The following CNOT1 variants were observed in gnomAD, a reference collection of about 807,000 sequenced individuals.
CNOT1 encodes CCR4-NOT transcription complex subunit 1, also known as CCR4-associated factor 1.
Under a neutral mutation model 273.8 loss-of-function variants are expected in CNOT1, and 15 were observed. That is an observed-to-expected ratio of 0.05 (90% CI 0.04 to 0.08). The LOEUF (loss-of-function observed/expected upper bound fraction) is 0.08. Among genes scored for constraint, CNOT1 ranks in the 10% least tolerant of loss-of-function variants. CNOT1 has a pLI of 1.00. For missense variants in CNOT1, 1,644 were observed against 2,912.2 expected, an observed-to-expected ratio of 0.56 and a Z score of 10.02; for synonymous variants, 1,022 against 1,005.5, an observed-to-expected ratio of 1.02 and a Z score of -0.31.
intron 1 of CNOT1, among the ~76,000 whole-genome samples, chr16:58,612,730 A>T (rs1250816744): frequency 1.3e-5 from 2 of 152,062 alleles, no homozygotes; most frequent in African/African-American, 4.8e-5. Context: ...CAAGAGCAAA[A>T]CTTCTATGGA....
At chr16:58,572,471 C>T (rs565162556) in intron 16 of CNOT1, among the ~76,000 whole-genome samples, 9 of 151,462 alleles carry the variant, frequency 5.9e-5, no homozygotes, top group Non-Finnish European at 1.0e-4. Flanking sequence ...CCTGTCTCTA[C>T]AAAAAATAAA....
intron 1 of CNOT1, among the ~76,000 whole-genome samples, chr16:58,622,773 G>C (rs935002690): frequency 1.3e-5 from 2 of 151,518 alleles, no homozygotes; most frequent in Non-Finnish European, 2.9e-5. Context: ...CTTGAAACCT[G>C]GAGGCAGAGG....
intron 41 of CNOT1, 43 bp from the exon 42 acceptor site, chr16:58,532,118 A>G: frequency 1.2e-6 from 2 of 1,613,014 alleles, no homozygotes; most frequent in Non-Finnish European, 1.7e-6. Flanking sequence ...GTCCAACTTA[A>G]ATACAGTGAA....
At chr16:58,546,233 A>C in intron 29 of CNOT1, 88 bp downstream of exon 29, 1 of 1,161,070 alleles carries the variant, frequency 8.6e-7, no homozygotes, top group South Asian at 1.5e-5. Context: ...TATGTGGGAA[A>C]TTATAGTTTG....
At chr16:58,571,765 G>GTCA in intron 16 of CNOT1, among the ~76,000 whole-genome samples, 1 of 152,156 alleles carries the variant, frequency 6.6e-6, no homozygotes, top group Non-Finnish European at 1.5e-5. Flanking sequence ...ATCACTTGAG[G>GTCA]TCAGGAGTTT....
At chr16:58,616,167 C>T (rs2043073406) in intron 1 of CNOT1, among the ~76,000 whole-genome samples, 1 of 125,686 alleles carries the variant, frequency 8.0e-6, no homozygotes, top group Non-Finnish European at 1.9e-5. Flanking sequence ...AGTGCAGTGT[C>T]ATGATCTCGG....
chr16:58,580,230 C>T (rs1378147966), intron 12 of CNOT1, among the ~76,000 whole-genome samples: 1 of 150,962 alleles, frequency 6.6e-6, no homozygotes, highest in Non-Finnish European at 1.5e-5. Context: ...AGACTCCATC[C>T]CAAAAATATA....
intron 10 of CNOT1, among the ~76,000 whole-genome samples, 156 bp downstream of exon 10, chr16:58,582,637 T>A (rs1183302960): frequency 6.6e-6 from 1 of 152,112 alleles, no homozygotes; most frequent in African/African-American, 2.4e-5. Context: ...AATGAAAAAA[T>A]TTAAATTTGG....
Position 58,534,233 on chromosome 16 carries a change from C to A in CNOT1, c.5809G>T (p.Asp1937Tyr). 1 of 1,614,144 alleles carries A rather than the reference C, an allele frequency of 6.2e-7. No individual in the cohort carries two copies. The highest frequency in any genetic ancestry group is 8.5e-7 in the Non-Finnish European group (1 of 1,180,024). The change falls in exon 40 of 49, where the codon GAT becomes TAT. Residue 1937 changes from aspartate (D) to tyrosine (Y), a missense_variant. By Grantham distance (160) the Asp-to-Tyr change is radical. Around this residue, in one of 13 missense-constraint regions of CNOT1, gnomAD observed 133 missense variants for 328.2 expected, o/e 0.41. Coordinates refer to ENST00000317147, the MANE Select transcript of CNOT1 (RefSeq NM_016284.5). ...AGTGCAATGAGTCGAACAAAGGCAT[C>A]CAGGTTGTGATAGCACTTGGCTCGG... ...MIRAKCYHNL[D>Y]AFVRLIALLV...
intron 23 of CNOT1, 107 bp from the exon 24 acceptor site, chr16:58,551,379 CTG>C: frequency 2.3e-6 from 3 of 1,278,048 alleles, no homozygotes; most frequent in Non-Finnish European, 3.2e-6. Flanking sequence ...CATGGTATGA[CTG>C]TGTATTAGAA....
intron 2 of CNOT1, among the ~76,000 whole-genome samples, chr16:58,598,797 C>CA (rs1401850091): frequency 1.3e-5 from 2 of 152,034 alleles, no homozygotes; most frequent in African/African-American, 4.8e-5. Flanking sequence ...CGTGGTGGCT[C>CA]ACGCCTGTAA....
At chr16:58,528,397 G>C in intron 44 of CNOT1, 78 bp downstream of exon 44, 1 of 988,748 alleles carries the variant, frequency 1.0e-6, no homozygotes, top group South Asian at 1.3e-5. Context: ...GGGTAGGAAA[G>C]TGCTGAACAG....
At chr16:58,617,497 CTCAAAA>C in intron 1 of CNOT1, among the ~76,000 whole-genome samples, 1 of 152,124 alleles carries the variant, frequency 6.6e-6, no homozygotes, top group Admixed American at 6.6e-5. Flanking sequence ...AAACATGACA[CTCAAAA>C]GAATACTCAT....
intron 39 of CNOT1, among the ~76,000 whole-genome samples, chr16:58,534,652 TA>T (rs1567390515): frequency 2.6e-5 from 4 of 152,174 alleles, no homozygotes; most frequent in African/African-American, 9.7e-5. Flanking sequence ...TTTTGAACAG[TA>T]GGTCCCCACC....
chr16:58,545,037 A>T (rs2040211925), intron 30 of CNOT1, among the ~76,000 whole-genome samples: 1 of 152,238 alleles, frequency 6.6e-6, no homozygotes. Flanking sequence ...AGATAAAGAA[A>T]ATAAAAAGCT....
intron 1 of CNOT1, among the ~76,000 whole-genome samples, chr16:58,604,096 T>C (rs1567438859): frequency 6.6e-6 from 1 of 152,200 alleles, no homozygotes; most frequent in Non-Finnish European, 1.5e-5. Context: ...CTGCTAGTCA[T>C]ATACAACAAT....
intron 16 of CNOT1, among the ~76,000 whole-genome samples, chr16:58,566,962 T>C (rs1374666774): frequency 6.6e-6 from 1 of 152,060 alleles, no homozygotes; most frequent in Non-Finnish European, 1.5e-5. Flanking sequence ...TACTAGGTAT[T>C]AGAGGCACGT....
Position 58,576,534 on chromosome 16 carries a change from A to T in CNOT1, c.1633T>A (p.Trp545Arg). Residue 545 changes from tryptophan (W) to arginine (R), a missense_variant, in exon 14 of 49, where the codon TGG (tryptophan) becomes AGG (arginine). This residue lies in a region of CNOT1 where 706 missense variants were observed against 1,021.2 expected (regional missense o/e 0.69). Coordinates refer to ENST00000317147, the MANE Select transcript of CNOT1 (RefSeq NM_016284.5). ...RQLIMHAMAE[W>R]YMRGEQYDQA... The stretch of plus-strand genomic sequence containing the variant: ...TCATACTGCTCCCCTCTCATGTACC[A>T]TTCTGCCATTGCATGCATGATAAGT... The T allele has an allele frequency of 6.2e-7, 1 of 1,614,190 alleles. No homozygotes were observed. Among genetic ancestry groups the T allele is most frequent in the Non-Finnish European group, 8.5e-7 (1 of 1,180,044 alleles).
At chr16:58,523,332 T>A in intron 47 of CNOT1, 38 bp downstream of exon 47, 1 of 1,529,506 alleles carries the variant, frequency 6.5e-7, no homozygotes, top group Non-Finnish European at 8.8e-7. Flanking sequence ...AGGGAGGAGA[T>A]CCTTTTGAAG....
Sources: gnomAD v4.1 joint callset for allele counts (sites outside exome capture counted in the v4.1 genomes callset) on GRCh38, gnomAD v4.1.1 for gene constraint, gnomAD v4.1.1 regional missense constraint, MANE v1.5 for transcripts, NCBI Gene and HGNC (gene_info 2026-07-23, HGNC 2026-07-21) for gene names.